Variants in SERPINB11 observed in about 807,000 individuals in gnomAD.
The protein encoded by SERPINB11 is serpin B11.
In SERPINB11, 32 loss-of-function variants were observed where a neutral mutation model predicts 36.7. The ratio of observed to expected loss-of-function variants is 0.87; its 90% CI spans 0.66 to 1.17. SERPINB11 has a LOEUF of 1.17. SERPINB11 is among the 50% of genes most tolerant of loss of function. The probability of loss-of-function intolerance (pLI) is 0.00; values close to 1 mark genes in which losing one functional copy is unlikely to be tolerated. For missense variants in SERPINB11, 528 were observed against 458.4 expected (o/e 1.15, Z -1.39); for synonymous variants, 174 against 168.1 (o/e 1.04, Z -0.27).
rs1401315604 is a variant in SERPINB11 at position 63,716,156 on chromosome 18, A to G, written c.475+4A>G. 21 of 1,546,030 alleles carry G rather than the reference A, an allele frequency of 1.4e-5. No homozygotes were observed. The highest frequency in any genetic ancestry group is 1.8e-5 in the Non-Finnish European group (20 of 1,123,618). On this transcript the variant is annotated splice_donor_region_variant and intron_variant, in intron 5 of 7. Coordinates refer to ENST00000544088, the MANE Select transcript of SERPINB11 (RefSeq NM_001370475.1). ...TGGGTTGAAAATAAAACTAATGGTA[A>G]GGATAAGTCAATATGTGTCTCTAAA... is the stretch of plus-strand genomic sequence containing the variant.
intron 1 of SERPINB11, among the ~76,000 whole-genome samples, chr18:63,706,538 G>C (rs1598958007): frequency 6.6e-6 from 1 of 152,176 alleles, no homozygotes; most frequent in East Asian, 1.9e-4. Flanking sequence ...TAGAAGATAG[G>C]AGGTAAAAGA....
At chr18:63,720,769 T>C (rs1290787792) in intron 6 of SERPINB11, 62 bp from the exon 7 acceptor site, 1 of 1,222,894 alleles carries the variant, frequency 8.2e-7, no homozygotes, top group Non-Finnish European at 1.2e-6. Context: ...TGCAAGGTAA[T>C]CAGTACACAC....
At chr18:63,710,387 C>A in intron 2 of SERPINB11, 26 bp downstream of exon 2, 1 of 1,583,262 alleles carries the variant, frequency 6.3e-7, no homozygotes, top group East Asian at 2.3e-5. Flanking sequence ...GAGGTTTGTT[C>A]AGAACCCAGA....
chr18:63,709,314 T>G (rs888695090), intron 1 of SERPINB11, among the ~76,000 whole-genome samples: 1 of 152,014 alleles, frequency 6.6e-6, no homozygotes, highest in Admixed American at 6.6e-5. Context: ...ACTGAGGAGA[T>G]AAAAATGTGC....
chr18:63,723,153 C>A lies in SERPINB11; in HGVS notation c.933C>A (p.Asn311Lys). ...CTCTAGGGGTGACAGATCTCTTCAA[C>A]CAGGTCAAAGCTGATCTTTCTGGAA... is the stretch of plus-strand genomic sequence containing the variant. ...LKSLGVTDLFNQVKADLSGMS... is the reference protein window; with the variant it reads ...LKSLGVTDLFKQVKADLSGMS... Residue 311 changes from asparagine (N) to lysine (K), a missense_variant, in exon 8 of 8, where the codon AAC (asparagine) becomes AAA (lysine). Asn to Lys is a moderately conservative substitution (Grantham distance 94, BLOSUM62 0). Coordinates refer to ENST00000544088, the MANE Select transcript of SERPINB11 (RefSeq NM_001370475.1). 1 of 1,611,890 alleles carries A rather than the reference C, an allele frequency of 6.2e-7. No individual in the cohort carries two copies. The highest frequency in any genetic ancestry group is 8.5e-7 in the Non-Finnish European group (1 of 1,178,788).
chr18:63,714,676 C>A (rs1321392991), intron 4 of SERPINB11, among the ~76,000 whole-genome samples: 1 of 152,180 alleles, frequency 6.6e-6, no homozygotes, highest in Non-Finnish European at 1.5e-5. Context: ...GGCTCTCAGG[C>A]AGCCAGATCT....
intron 4 of SERPINB11, among the ~76,000 whole-genome samples, chr18:63,715,445 T>G (rs1914643432): frequency 6.6e-6 from 1 of 152,234 alleles, no homozygotes; most frequent in African/African-American, 2.4e-5. Context: ...CACTTTCACT[T>G]AGATAATATG....
At position 63,716,006 on chromosome 18, in the gene SERPINB11, T is replaced by C. The variant is rs565917028; in HGVS notation, c.358-29T>C. 31 of 1,444,148 alleles carry C rather than the reference T, an allele frequency of 2.1e-5. No homozygotes were observed. The Middle Eastern group carries it at 1.1e-3, about 50-fold the overall frequency. 89.5% of individuals were successfully genotyped at this position (1,444,148 alleles called of 1,614,324 possible). ...TTGTTTTCCTTACACTGCTTTTGAA[T>C]TGTTGTTCAATTATCATGTCTTTCA... is the stretch of plus-strand genomic sequence containing the variant. On this transcript the variant is annotated intron_variant, in intron 4 of 7. Transcript: ENST00000544088.
In SERPINB11 at chr18:63,720,060, G is replaced by C. The variant is rs775121004; in HGVS notation, c.523G>C (p.Val175Leu). 1.2e-6 allele frequency: 2 copies of C among 1,610,036 alleles called. No homozygotes were observed. Among genetic ancestry groups the C allele is most frequent in the Admixed American group, 3.4e-5 (2 of 59,680 alleles). ...FGKSTIDPSS[V>L]MVLVNAIYFK... ...AAAGAGCACAATTGACCCTTCATCT[G>C]TAATGGTCCTGGTGAATGCCATATA... Residue 175 changes from valine (V) to leucine (L), a missense_variant, in exon 6 of 8, where the codon GTA becomes CTA. Transcript: ENST00000544088.
Position 63,713,624 on chromosome 18 carries a change from G to A in SERPINB11, c.357+931G>A, listed in dbSNP as rs1245900899. On this transcript the variant is annotated intron_variant, in intron 4 of 7. Coordinates refer to ENST00000544088, the MANE Select transcript of SERPINB11 (RefSeq NM_001370475.1). Reference sequence around the variant, plus strand: ...ATAGTCAGAATATTTGCAACTTGGGGTAGGTATTATAGACATTCAGAGAGT... The same window carrying A: ...ATAGTCAGAATATTTGCAACTTGGGATAGGTATTATAGACATTCAGAGAGT... Among the ~76,000 whole-genome samples the A allele has an allele frequency of 3.3e-5, 5 of 152,262 alleles. No homozygotes were observed. In the East Asian group the frequency reaches 7.7e-4, roughly 24 times the overall value.
intron 1 of SERPINB11, among the ~76,000 whole-genome samples, chr18:63,706,202 G>A (rs1408405254): frequency 1.3e-5 from 2 of 152,186 alleles, no homozygotes; most frequent in Non-Finnish European, 2.9e-5. Flanking sequence ...AACTGGTTTT[G>A]ATTACAGGAT....
At chr18:63,708,968 T>C (rs1914443256) in intron 1 of SERPINB11, among the ~76,000 whole-genome samples, 1 of 152,138 alleles carries the variant, frequency 6.6e-6, no homozygotes, top group South Asian at 2.1e-4. Context: ...GAAGGAAGTG[T>C]TTGATGGCAA....
chr18:63,707,027 C>T (rs1382250302), intron 1 of SERPINB11, among the ~76,000 whole-genome samples: 1 of 152,192 alleles, frequency 6.6e-6, no homozygotes, highest in African/African-American at 2.4e-5. Flanking sequence ...GCAACCTCTC[C>T]TGTCTTTCTC....
intron 4 of SERPINB11, among the ~76,000 whole-genome samples, chr18:63,714,651 G>A (rs1914620085): frequency 6.6e-6 from 1 of 151,902 alleles, no homozygotes; most frequent in Non-Finnish European, 1.5e-5. Flanking sequence ...AGAGAAATAT[G>A]GCTCTGTTCT....
intron 3 of SERPINB11, among the ~76,000 whole-genome samples, chr18:63,711,879 TTC>T (rs769390966): frequency 6.6e-4 from 101 of 152,230 alleles, no homozygotes; most frequent in Admixed American, 2.4e-3. Context: ...ATGAAAATAG[TTC>T]TGTTTGATTA....
At chr18:63,714,919 A>G (rs984290143) in intron 4 of SERPINB11, among the ~76,000 whole-genome samples, 1 of 152,318 alleles carries the variant, frequency 6.6e-6, no homozygotes, top group African/African-American at 2.4e-5. Flanking sequence ...GAAGTGATAA[A>G]TGTCCATGAA....
At chr18:63,709,651 G>C (rs1189614877) in intron 1 of SERPINB11, among the ~76,000 whole-genome samples, 1 of 80,748 alleles carries the variant, frequency 1.2e-5, no homozygotes, top group African/African-American at 5.6e-5. Context: ...AAAATAAAAA[G>C]TAAAATAAAA....
At chr18:63,715,943 C>G in intron 4 of SERPINB11, 92 bp from the exon 5 acceptor site, 1 of 693,088 alleles carries the variant, frequency 1.4e-6, no homozygotes, top group Non-Finnish European at 2.4e-6. Context: ...GCTTTTTTCT[C>G]TGCATTAGAA....
At chr18:63,716,555 C>A (rs1914673295) in intron 5 of SERPINB11, among the ~76,000 whole-genome samples, 1 of 152,058 alleles carries the variant, frequency 6.6e-6, no homozygotes, top group Non-Finnish European at 1.5e-5. Flanking sequence ...TCAATTGCAA[C>A]ATTTCTCACT....
Sources: allele counts gnomAD v4.1 joint callset (sites outside exome capture counted in the v4.1 genomes callset), GRCh38; gene constraint gnomAD v4.1.1; transcripts MANE v1.5; gene names NCBI Gene and HGNC (gene_info 2026-07-23, HGNC 2026-07-21).